The following GPR157 variants were observed in gnomAD, a reference collection of about 807,000 sequenced individuals.
The protein encoded by GPR157 is G protein-coupled receptor 157, also known as G-protein coupled receptor 157.
In GPR157, 16 loss-of-function variants were observed where a neutral mutation model predicts 23.5. The ratio of observed to expected loss-of-function variants is 0.68; its 90% CI spans 0.46 to 1.04. The LOEUF is 1.04. Among genes scored for constraint, GPR157 ranks in the 50% least tolerant of loss-of-function variants. The pLI, the probability that GPR157 is intolerant of heterozygous loss-of-function variation, is 0.00. For missense variants in GPR157, 440 were observed against 460.7 expected (o/e 0.96, Z 0.41); for synonymous variants, 200 against 221.5 (o/e 0.90, Z 0.86).
intron 1 of GPR157, among the ~76,000 whole-genome samples, chr1:9,122,951 G>A (rs894257868): frequency 4.0e-5 from 6 of 151,748 alleles, no homozygotes; most frequent in African/African-American, 1.5e-4. Context: ...GAGGTCAGGA[G>A]TTTGAGATCA....
chr1:9,111,940 C>T (rs1812368), intron 1 of GPR157, among the ~76,000 whole-genome samples: 1 of 151,990 alleles, frequency 6.6e-6, no homozygotes, highest in Non-Finnish European at 1.5e-5. Context: ...ATTGCGTTCC[C>T]GCCTGGGTGA....
chr1:9,116,180 T>TTATATTATA (rs371363225), intron 1 of GPR157, among the ~76,000 whole-genome samples: 1 of 5,624 alleles, frequency 1.8e-4, no homozygotes, highest in African/African-American at 1.1e-3. Context: ...ATTATATATA[T>TTATATTATA]TATATATATA....
chr1:9,106,457 G>A lies in GPR157; in HGVS notation c.598-777C>T, dbSNP rs558338698. 1.1e-4 allele frequency among the ~76,000 whole-genome samples: 17 copies of A among 152,280 alleles called. No homozygotes were observed. In the East Asian group the frequency reaches 3.3e-3, roughly 29 times the overall value. On this transcript the variant is annotated intron_variant, in intron 2 of 3. Coordinates refer to ENST00000377411, the MANE Select transcript of GPR157 (RefSeq NM_024980.5). ...CACATGCTCCTTACGGTCGCAGCGG[G>A]GCCAACCCTTATGGTCACAGTGGGG...
Position 9,102,679 on chromosome 1 carries a change from C to G in GPR157, c.*1740G>C, listed in dbSNP as rs1016405859. 6.6e-6 allele frequency: 1 copy of G among 152,070 alleles called. No homozygotes were observed. The highest frequency in any genetic ancestry group is 2.4e-5 in the African/African-American group (1 of 41,404). 9.4% of individuals were successfully genotyped at this position (152,070 alleles called of 1,614,324 possible). ...CAGGTAAAGCTGTACTTTCTCTCAC[C>G]AAGACCCTGGAGGTAGCATTTCCAC... On this transcript the variant is annotated 3_prime_UTR_variant, in exon 4 of 4. Transcript: ENST00000377411.
intron 1 of GPR157, among the ~76,000 whole-genome samples, chr1:9,126,862 T>C (rs765058146): frequency 6.6e-6 from 1 of 152,204 alleles, no homozygotes; most frequent in Non-Finnish European, 1.5e-5. Flanking sequence ...ACAAGATGAA[T>C]ACGTTGCTTG....
chr1:9,110,690 A>T (rs1174157986), intron 2 of GPR157, among the ~76,000 whole-genome samples: 1 of 152,204 alleles, frequency 6.6e-6, no homozygotes, highest in Non-Finnish European at 1.5e-5. Flanking sequence ...GAACTGGGCC[A>T]AGGTGTCAGA....
At chr1:9,123,388 A>G (rs1305253314) in intron 1 of GPR157, among the ~76,000 whole-genome samples, 1 of 35,536 alleles carries the variant, frequency 2.8e-5, no homozygotes, top group African/African-American at 9.0e-5. Flanking sequence ...ATATATATTT[A>G]ATTTAAATAT....
In GPR157 at chr1:9,102,224, A is replaced by C. The variant is rs1056501398; in HGVS notation, c.*2195T>G. The C allele has an allele frequency of 6.6e-6, 1 of 152,134 alleles. No homozygotes were observed. Among genetic ancestry groups the C allele is most frequent in the South Asian group, 2.1e-4 (1 of 4,828 alleles). 9.4% of individuals were successfully genotyped at this position (152,134 alleles called of 1,614,324 possible). A position where few individuals can be genotyped will look rare whatever the true frequency, so the allele number is the denominator to read the frequency against. On this transcript the variant is annotated 3_prime_UTR_variant, in exon 4 of 4. Coordinates refer to ENST00000377411, the MANE Select transcript of GPR157 (RefSeq NM_024980.5). ...CAGGAGTTCGAGACCAGCCTGGCCAACATGGTGAAAACCCGTCTCTACTGA... is the reference window on the plus strand; with the variant it reads ...CAGGAGTTCGAGACCAGCCTGGCCACCATGGTGAAAACCCGTCTCTACTGA...
Position 9,104,188 on chromosome 1 carries a change from T to C in GPR157, c.*231A>G, listed in dbSNP as rs1642604749. 3.6e-6 allele frequency: 2 copies of C among 549,230 alleles called. No individual in the cohort carries two copies. The highest frequency in any genetic ancestry group is 6.6e-6 in the Non-Finnish European group (2 of 304,766). The allele number at this position is 549,230 out of a possible 1,614,324, so 34.0% of individuals were successfully genotyped here. On this transcript the variant is annotated 3_prime_UTR_variant, in exon 4 of 4. Coordinates refer to ENST00000377411, the MANE Select transcript of GPR157 (RefSeq NM_024980.5). ...AATCTCACTGCTACCCTTATGCAGATGAACGCCCACCCGTGGGCCAGGACG... is the reference window on the plus strand; with the variant it reads ...AATCTCACTGCTACCCTTATGCAGACGAACGCCCACCCGTGGGCCAGGACG...
intron 1 of GPR157, among the ~76,000 whole-genome samples, chr1:9,114,866 A>G (rs995252963): frequency 6.9e-6 from 1 of 145,726 alleles, no homozygotes; most frequent in East Asian, 2.0e-4. Context: ...GGTTGCAGTG[A>G]GCCAAGATTG....
intron 1 of GPR157, among the ~76,000 whole-genome samples, chr1:9,122,065 G>A (rs1055357387): frequency 6.6e-6 from 1 of 152,160 alleles, no homozygotes; most frequent in Admixed American, 6.6e-5. Flanking sequence ...GCTGACCCTG[G>A]TCTGGCATCA....
intron 2 of GPR157, among the ~76,000 whole-genome samples, chr1:9,109,778 G>T (rs552835842): frequency 2.2e-4 from 33 of 152,270 alleles, no homozygotes; most frequent in Non-Finnish European, 4.3e-4. Flanking sequence ...GGTCTAGGGC[G>T]GGTGAGAACT....
Position 9,111,291 on chromosome 1 carries a change from C to G in GPR157, c.582G>C (p.Lys194Asn). The G allele has an allele frequency of 6.2e-7, 1 of 1,614,188 alleles. No individual in the cohort carries two copies. Among genetic ancestry groups the G allele is most frequent in the African/African-American group, 1.3e-5 (1 of 75,054 alleles). The change falls in exon 2 of 4, where the codon AAG becomes AAC. Residue 194 changes from lysine to asparagine, a missense_variant. Lys to Asn is a moderately conservative substitution (Grantham distance 94). Coordinates refer to ENST00000377411, the MANE Select transcript of GPR157 (RefSeq NM_024980.5). ...CAGCGCCTACCGCTCTGTTGATGTG[C>G]TTCCGGACCAGGAGGTACAGCAGAG... ...LLPLLYLLVR[K>N]HINRAHTALS...
In GPR157 at chr1:9,103,574, CAAG is replaced by C. The variant is rs1642593562; in HGVS notation, c.*842_*844del. The C allele has an allele frequency of 6.6e-6, 1 of 152,226 alleles. No homozygotes were observed. The highest frequency in any genetic ancestry group is 1.5e-5 in the Non-Finnish European group (1 of 68,042). The allele number at this position is 152,226 out of a possible 1,614,324, so 9.4% of individuals were successfully genotyped here. On this transcript the variant is annotated 3_prime_UTR_variant, in exon 4 of 4. Transcript: ENST00000377411. ...CCCTACTCATCCCCTTTGGTCTCCCCAAGAAGAGGAGGATTCTAAGAAAGGAGC... is the reference window on the plus strand; with the variant it reads ...CCCTACTCATCCCCTTTGGTCTCCCCAAGAGGAGGATTCTAAGAAAGGAGC...
rs553789936 is a variant in GPR157 at position 9,106,274 on chromosome 1, C to T, written c.598-594G>A. ...TGCCACTGCCCCCGTGTCCAGGCCA[C>T]GTCACCACGTCTCTGGATGGGCTCC... is the stretch of plus-strand genomic sequence containing the variant. On this transcript the variant is annotated intron_variant, in intron 2 of 3. Transcript: ENST00000377411. Among the ~76,000 whole-genome samples, 6 of 152,284 alleles carry T rather than the reference C, an allele frequency of 3.9e-5. No homozygotes were observed. The East Asian group carries it at 7.7e-4, about 20-fold the overall frequency.
Position 9,105,639 on chromosome 1 carries a change from C to T in GPR157, c.639G>A (p.Glu213=). 1 of 1,612,958 alleles carries T rather than the reference C, an allele frequency of 6.2e-7. No homozygotes were observed. Among genetic ancestry groups the T allele is most frequent in the Non-Finnish European group, 8.5e-7 (1 of 1,179,652 alleles). Residue 213 remains glutamate, a synonymous_variant, in exon 3 of 4, where the codon GAG becomes GAA. Coordinates refer to ENST00000377411, the MANE Select transcript of GPR157 (RefSeq NM_024980.5). This position sits in a 1 kb window ranked among gnomAD's most constrained non-coding sequence, Gnocchi z 4.8. ...LSEYRPILSQ[E]HRLLRHSSMA... is the part of the protein sequence containing the mutation. The stretch of plus-strand genomic sequence containing the variant: ...TGGAGGAGTGGCGCAGCAGGCGGTG[C>T]TCCTGGGAGAGGATGGGCCGGTACT...
At position 9,108,208 on chromosome 1, in the gene GPR157, G is replaced by A. The variant is rs116430628; in HGVS notation, c.598-2528C>T. On this transcript the variant is annotated intron_variant, in intron 2 of 3. Transcript: ENST00000377411. Reference sequence around the variant, plus strand: ...TGTCTTGTGGAGTCACTGCTGCATCGTGGTATCTCTCAGCCCCCAATCTTC... The same window carrying A: ...TGTCTTGTGGAGTCACTGCTGCATCATGGTATCTCTCAGCCCCCAATCTTC... 5.0e-3 allele frequency among the ~76,000 whole-genome samples: 755 copies of A among 152,204 alleles called. 3 individuals are homozygous for A. Among genetic ancestry groups the A allele is most frequent in the African/African-American group, 0.017 (721 of 41,520 alleles).
Position 9,104,226 on chromosome 1 carries a change from G to A in GPR157, c.*193C>T, listed in dbSNP as rs547009935. On this transcript the variant is annotated 3_prime_UTR_variant, in exon 4 of 4. Coordinates refer to ENST00000377411, the MANE Select transcript of GPR157 (RefSeq NM_024980.5). ...GTGGGCCAGGACGCTGGTACCGGTGGAACTTGCTGCCTGAGGATCTAGGAG... is the reference window on the plus strand; with the variant it reads ...GTGGGCCAGGACGCTGGTACCGGTGAAACTTGCTGCCTGAGGATCTAGGAG... 1.2e-4 allele frequency: 70 copies of A among 584,104 alleles called. No homozygotes were observed. In the Middle Eastern group the frequency reaches 1.8e-3, roughly 15 times the overall value. The allele number at this position is 584,104 out of a possible 1,614,324, so 36.2% of individuals were successfully genotyped here.
At chr1:9,108,879 G>A (rs1253759453) in intron 2 of GPR157, among the ~76,000 whole-genome samples, 6 of 151,870 alleles carry the variant, frequency 4.0e-5, no homozygotes, top group East Asian at 1.9e-4. Flanking sequence ...TCCGCCTCCC[G>A]GGTTCACACC....
Sources: allele counts gnomAD v4.1 joint callset (sites outside exome capture counted in the v4.1 genomes callset), GRCh38; gene constraint gnomAD v4.1.1; non-coding constraint Gnocchi (gnomAD v3.1); transcripts MANE v1.5; gene names NCBI Gene and HGNC (gene_info 2026-07-23, HGNC 2026-07-21).